Variants in NELL1 observed in about 807,000 individuals in gnomAD.
The protein encoded by NELL1 is neural EGFL like 1.
A neutral mutation model predicts 107.4 loss-of-function variants in NELL1; 76 were observed. That is an observed-to-expected ratio of 0.71 (90% confidence interval 0.59 to 0.86). The LOEUF (loss-of-function observed/expected upper bound fraction) is 0.86. Ranked by LOEUF, NELL1 falls within the 40% of genes least tolerant of loss-of-function variation. The pLI, the probability that NELL1 is intolerant of heterozygous loss-of-function variation, is 0.00. For synonymous variants in NELL1, 353 were observed against 341.2 expected, an observed-to-expected ratio of 1.03 and a Z score of -0.38; for missense variants, 1,024 against 1,005.5, an observed-to-expected ratio of 1.02 and a Z score of -0.25.
chr11:20,723,324 A>T (rs1855434894), intron 2 of NELL1, among the ~76,000 whole-genome samples: 1 of 152,196 alleles, frequency 6.6e-6, no homozygotes, highest in South Asian at 2.1e-4. Context: ...AAAATAAAAA[A>T]CAAATTAGTT....
chr11:21,331,122 C>T (rs1850263125), intron 14 of NELL1, among the ~76,000 whole-genome samples: 1 of 151,990 alleles, frequency 6.6e-6, no homozygotes, highest in Admixed American at 6.6e-5. Context: ...CTTCCTTAAC[C>T]TCTCTAAGCA....
intron 15 of NELL1, among the ~76,000 whole-genome samples, chr11:21,409,350 A>G (rs899413719): frequency 2.6e-5 from 4 of 152,030 alleles, no homozygotes; most frequent in Admixed American, 2.6e-4. Context: ...CAAACACTGC[A>G]TGTTCTCACT....
At chr11:21,269,696 T>C (rs1455917035) in intron 14 of NELL1, among the ~76,000 whole-genome samples, 3 of 152,080 alleles carry the variant, frequency 2.0e-5, no homozygotes, top group African/African-American at 4.8e-5. Flanking sequence ...AAGGTCTTCA[T>C]AGAAGAGGAA....
At chr11:21,107,245 A>T (rs1854991735) in intron 12 of NELL1, among the ~76,000 whole-genome samples, 1 of 152,166 alleles carries the variant, frequency 6.6e-6, no homozygotes, top group Non-Finnish European at 1.5e-5. Context: ...ATCCACCATT[A>T]CAGTATCATA....
intron 3 of NELL1, among the ~76,000 whole-genome samples, chr11:20,791,348 A>G (rs551844304): frequency 6.6e-6 from 1 of 152,222 alleles, no homozygotes; most frequent in African/African-American, 2.4e-5. Flanking sequence ...TACATGGAAT[A>G]ATTTTCTTAA....
intron 13 of NELL1, among the ~76,000 whole-genome samples, chr11:21,228,526 C>T (rs1857952693): frequency 6.6e-6 from 1 of 152,180 alleles, no homozygotes; most frequent in Non-Finnish European, 1.5e-5. Context: ...CTGTGCTCGC[C>T]AGCCTTCCCT....
At chr11:21,463,406 A>G (rs368664673) in intron 15 of NELL1, among the ~76,000 whole-genome samples, 66 of 152,260 alleles carry the variant, frequency 4.3e-4, no homozygotes, top group African/African-American at 1.5e-3. Flanking sequence ...GTCAAAGAAT[A>G]TGCAGATGAT....
chr11:20,788,061 T>TAATG (rs1857004007), intron 3 of NELL1, among the ~76,000 whole-genome samples: 1 of 152,264 alleles, frequency 6.6e-6, no homozygotes, highest in Admixed American at 6.5e-5. Context: ...TATTGCAGAA[T>TAATG]AATGTTACAT....
intron 14 of NELL1, among the ~76,000 whole-genome samples, chr11:21,286,695 A>G (rs1245812020): frequency 2.0e-5 from 3 of 152,216 alleles, no homozygotes; most frequent in Non-Finnish European, 2.9e-5. Context: ...ATCCCATTGC[A>G]ATTCTTGGAC....
At chr11:21,452,535 A>G (rs1853613691) in intron 15 of NELL1, among the ~76,000 whole-genome samples, 1 of 152,104 alleles carries the variant, frequency 6.6e-6, no homozygotes, top group African/African-American at 2.4e-5. Context: ...TGTAGTTGTA[A>G]TCTGTGTGCT....
chr11:20,955,563 A>G (rs1297079731), intron 11 of NELL1, among the ~76,000 whole-genome samples: 3 of 152,196 alleles, frequency 2.0e-5, no homozygotes, highest in Non-Finnish European at 2.9e-5. Context: ...TTTAGTCATG[A>G]TTGTTGAAAA....
chr11:20,765,451 A>T (rs1856509240), intron 2 of NELL1, among the ~76,000 whole-genome samples: 1 of 152,178 alleles, frequency 6.6e-6, no homozygotes, highest in Admixed American at 6.5e-5. Context: ...ACACTAGGAT[A>T]AGCCCAAAGA....
chr11:21,139,564 C>T (rs1210862611), intron 13 of NELL1, among the ~76,000 whole-genome samples: 1 of 152,200 alleles, frequency 6.6e-6, no homozygotes, highest in Non-Finnish European at 1.5e-5. Flanking sequence ...GTCTCTTCCA[C>T]TAGAAAATTT....
chr11:20,976,128 TATACACATGTACACACATGTA>T (rs1851627760), intron 12 of NELL1, among the ~76,000 whole-genome samples: 2 of 110,578 alleles, frequency 1.8e-5, no homozygotes, highest in East Asian at 6.1e-4. Context: ...ATGTATTATG[TATACACATGTACACACATGTA>T]TATATATACA....
In NELL1 at chr11:21,575,310, G is replaced by C. The variant is rs1857195346; in HGVS notation, c.*288G>C. 3.2e-6 allele frequency: 1 copy of C among 315,956 alleles called. No individual in the cohort carries two copies. The highest frequency in any genetic ancestry group is 2.1e-5 in the African/African-American group (1 of 47,478). 19.6% of individuals were successfully genotyped at this position (315,956 alleles called of 1,614,324 possible). A position where few individuals can be genotyped will look rare whatever the true frequency, so the allele number is the denominator to read the frequency against. On this transcript the variant is annotated 3_prime_UTR_variant, in exon 20 of 20. Coordinates refer to ENST00000357134, the MANE Select transcript of NELL1 (RefSeq NM_006157.5). The stretch of plus-strand genomic sequence containing the variant: ...TCATGTTTCCCTTATCAGATCATTT[G>C]CAAATACATTTAAATGATCTCATGG...
intron 2 of NELL1, among the ~76,000 whole-genome samples, chr11:20,680,360 C>A (rs536968954): frequency 6.6e-6 from 1 of 152,230 alleles, no homozygotes; most frequent in South Asian, 2.1e-4. Context: ...CTTAATCCAT[C>A]ATAGCAACAA....
At chr11:20,957,231 C>A (rs983953476) in intron 11 of NELL1, among the ~76,000 whole-genome samples, 2 of 152,078 alleles carry the variant, frequency 1.3e-5, no homozygotes, top group African/African-American at 4.8e-5. Context: ...TCCACTCTGC[C>A]CAAAGAGACT....
intron 2 of NELL1, among the ~76,000 whole-genome samples, chr11:20,697,802 C>A (rs1179602602): frequency 6.6e-6 from 1 of 152,268 alleles, no homozygotes; most frequent in South Asian, 2.1e-4. Context: ...GGCACCTGAA[C>A]AGACCTTGGA....
intron 4 of NELL1, among the ~76,000 whole-genome samples, chr11:20,855,610 A>G (rs1848868027): frequency 6.6e-6 from 1 of 152,232 alleles, no homozygotes; most frequent in Non-Finnish European, 1.5e-5. Flanking sequence ...AGAGAAAAAT[A>G]TATTTTCTGA....
Sources: allele counts gnomAD v4.1 joint callset (sites outside exome capture counted in the v4.1 genomes callset), GRCh38; gene constraint gnomAD v4.1.1; transcripts MANE v1.5; gene names NCBI Gene and HGNC (gene_info 2026-07-23, HGNC 2026-07-21).